BBS9: variants seen among roughly 807,000 people sequenced by gnomAD.
BBS9 encodes the protein Bardet-Biedl syndrome 9.
In BBS9, 89 loss-of-function variants were observed where a neutral mutation model predicts 117.7. The observed-to-expected ratio is 0.76, with a 90% CI of 0.64 to 0.90. The LOEUF (loss-of-function observed/expected upper bound fraction) is 0.90, where lower values mean the gene tolerates loss of function less well. BBS9 is among the 40% of genes least tolerant of loss of function. The pLI is 0.00. For missense variants in BBS9, 982 were observed against 1,042.2 expected (o/e 0.94, Z 0.80); for synonymous variants, 379 against 370.9 (o/e 1.02, Z -0.25).
intron 9 of BBS9, among the ~76,000 whole-genome samples, chr7:33,319,541 G>A (rs556502565): frequency 3.9e-5 from 6 of 152,134 alleles, no homozygotes; most frequent in South Asian, 2.1e-4. Context: ...TTTTCACCCC[G>A]TATATGCCAA....
rs767005321 is a variant in BBS9 at position 33,273,141 on chromosome 7, C to T, written c.832C>T (p.Arg278Ter). The change falls in exon 8 of 23, where the codon CGA becomes TGA. Residue 278 changes from arginine (R) to a stop codon, truncating the protein, a stop_gained. Coordinates refer to ENST00000242067, the MANE Select transcript of BBS9 (RefSeq NM_198428.3). LOFTEE classifies it high-confidence loss of function. ...TTGCCTTAAGGATAATGGACAAATT[C>T]GATTCATGAAGAAGCTTGATTGGAG... ...FFCLKDNGQI[R>*]FMKKLDWSPS... The T allele has an allele frequency of 1.3e-5, 21 of 1,613,462 alleles. No homozygotes were observed. The highest frequency in any genetic ancestry group is 2.2e-5 in the East Asian group (1 of 44,818).
chr7:33,543,811 T>A (rs1852809265), intron 21 of BBS9, among the ~76,000 whole-genome samples: 2 of 152,202 alleles, frequency 1.3e-5, no homozygotes, highest in South Asian at 4.1e-4. Flanking sequence ...TTTAGAATTC[T>A]CTTCTTCCTC....
intron 19 of BBS9, among the ~76,000 whole-genome samples, 192 bp from the exon 20 acceptor site, chr7:33,505,271 G>T (rs1845976776): frequency 1.5e-5 from 1 of 68,506 alleles, no homozygotes; most frequent in African/African-American, 8.8e-5. Context: ...TGGAATTACT[G>T]TGGGCATTTT....
rs114187865 is a variant in BBS9, at chr7:33,411,347, A to G, written c.2115+23203A>G. ...GTTGACATAGTTTTTTAATATTAAAATATTTCTTGACAAGGTTTCAACACT... is the reference window on the plus strand; with the variant it reads ...GTTGACATAGTTTTTTAATATTAAAGTATTTCTTGACAAGGTTTCAACACT... On this transcript the variant is annotated intron_variant, in intron 19 of 22. Transcript: ENST00000242067. 9.0e-3 allele frequency among the ~76,000 whole-genome samples: 1,375 copies of G among 152,234 alleles called. 24 individuals carry two copies. The highest frequency in any genetic ancestry group is 0.031 in the African/African-American group (1,302 of 41,544).
intron 9 of BBS9, among the ~76,000 whole-genome samples, chr7:33,300,421 A>G (rs1806145990): frequency 6.6e-6 from 1 of 152,210 alleles, no homozygotes; most frequent in South Asian, 2.1e-4. Context: ...TACTTTCTCA[A>G]TGTCAAAGCA....
intron 5 of BBS9, among the ~76,000 whole-genome samples, chr7:33,220,411 T>C (rs1310867439): frequency 6.6e-6 from 1 of 152,214 alleles, no homozygotes; most frequent in Non-Finnish European, 1.5e-5. Context: ...GAGATTGCGA[T>C]GTTGAGGTTA....
At chr7:33,307,113 T>C (rs1336158379) in intron 9 of BBS9, among the ~76,000 whole-genome samples, 1 of 152,222 alleles carries the variant, frequency 6.6e-6, no homozygotes, top group African/African-American at 2.4e-5. Context: ...AGCATTCTTT[T>C]CAATTTTCAA....
At chr7:33,220,434 C>T (rs1351031913) in intron 5 of BBS9, among the ~76,000 whole-genome samples, 1 of 152,178 alleles carries the variant, frequency 6.6e-6, no homozygotes, top group African/African-American at 2.4e-5. Flanking sequence ...TCCAGTCGAC[C>T]CGCACCTGAG....
At chr7:33,240,963 A>G (rs535344163) in intron 5 of BBS9, among the ~76,000 whole-genome samples, 21 of 152,292 alleles carry the variant, frequency 1.4e-4, no homozygotes, top group African/African-American at 5.1e-4. Flanking sequence ...GGAGGGAGAT[A>G]AACATTAAGT....
intron 9 of BBS9, among the ~76,000 whole-genome samples, chr7:33,305,044 A>G (rs915161151): frequency 6.6e-6 from 1 of 151,774 alleles, no homozygotes. Flanking sequence ...ACCTTTGTTC[A>G]TGTGTTTATC....
intron 21 of BBS9, among the ~76,000 whole-genome samples, chr7:33,538,537 C>G (rs1851809936): frequency 6.7e-6 from 1 of 149,820 alleles, no homozygotes; most frequent in African/African-American, 2.4e-5. Flanking sequence ...GAAGCTACTT[C>G]CAATTGGCCC....
intron 6 of BBS9, among the ~76,000 whole-genome samples, chr7:33,261,222 A>G (rs1266381233): frequency 6.6e-6 from 1 of 152,128 alleles, no homozygotes; most frequent in African/African-American, 2.4e-5. Context: ...CAATTTACAT[A>G]GTAGTTTTTC....
chr7:33,540,298 A>G (rs921758653), intron 21 of BBS9, among the ~76,000 whole-genome samples: 4 of 152,218 alleles, frequency 2.6e-5, no homozygotes, highest in Non-Finnish European at 4.4e-5. Context: ...AAGGTATTTA[A>G]ATTCAAAAAA....
At chr7:33,132,495 G>A (rs559640630) in intron 1 of BBS9, among the ~76,000 whole-genome samples, 1 of 152,216 alleles carries the variant, frequency 6.6e-6, no homozygotes, top group East Asian at 1.9e-4. Flanking sequence ...AAATCAGTGA[G>A]CAACTGGAAA....
chr7:33,371,147 T>C (rs1822789177), intron 17 of BBS9, among the ~76,000 whole-genome samples: 2 of 152,240 alleles, frequency 1.3e-5, no homozygotes, highest in Admixed American at 6.5e-5. Flanking sequence ...GAGTCAAAGA[T>C]GAAATTTCGC....
chr7:33,622,568 ATTT>A (rs2129223621), intron 21 of BBS9, among the ~76,000 whole-genome samples: 1 of 152,326 alleles, frequency 6.6e-6, no homozygotes, highest in East Asian at 1.9e-4. Flanking sequence ...AATATATACA[ATTT>A]TTATTTGTCA....
At chr7:33,154,472 T>G (rs1793810350) in intron 3 of BBS9, among the ~76,000 whole-genome samples, 1 of 152,154 alleles carries the variant, frequency 6.6e-6, no homozygotes, top group South Asian at 2.1e-4. Context: ...TATTTTATTT[T>G]GTTTTATTTT....
chr7:33,203,420 C>G (rs1319777311), intron 5 of BBS9, among the ~76,000 whole-genome samples: 2 of 152,106 alleles, frequency 1.3e-5, no homozygotes, highest in Non-Finnish European at 2.9e-5. Context: ...GCGTGGGGAA[C>G]CACACTTTGA....
intron 1 of BBS9, among the ~76,000 whole-genome samples, chr7:33,134,742 A>G (rs971076305): frequency 1.3e-5 from 2 of 152,106 alleles, no homozygotes; most frequent in Non-Finnish European, 2.9e-5. Flanking sequence ...GATTATAGGC[A>G]CACACAACCA....
Sources: allele counts gnomAD v4.1 joint callset (sites outside exome capture counted in the v4.1 genomes callset), GRCh38; gene constraint gnomAD v4.1.1; transcripts MANE v1.5; gene names NCBI Gene and HGNC (gene_info 2026-07-23, HGNC 2026-07-21).